Variants in LRMDA observed in about 807,000 individuals in gnomAD.
LRMDA encodes leucine rich melanocyte differentiation associated.
Under a neutral mutation model 29.8 loss-of-function variants are expected in LRMDA, and 18 were observed. The observed-to-expected ratio is 0.60, with a 90% CI of 0.42 to 0.90. The LOEUF is 0.90. Among genes scored for constraint, LRMDA ranks in the 40% least tolerant of loss-of-function variants. The probability of loss-of-function intolerance (pLI) is 0.00; values close to 1 mark genes in which losing one functional copy is unlikely to be tolerated. For synonymous variants in LRMDA, 125 were observed against 109.4 expected (o/e 1.14, Z -0.89); for missense variants, 273 against 273.9 (o/e 1.00, Z 0.02).
At chr10:76,003,280 T>G (rs1335258062) in intron 2 of LRMDA, among the ~76,000 whole-genome samples, 1 of 152,122 alleles carries the variant, frequency 6.6e-6, no homozygotes, top group African/African-American at 2.4e-5. Flanking sequence ...TCCCAAATCC[T>G]TCCACTTGAG....
intron 2 of LRMDA, among the ~76,000 whole-genome samples, chr10:75,574,030 G>A (rs545323857): frequency 7.9e-5 from 12 of 151,780 alleles, no homozygotes; most frequent in African/African-American, 2.9e-4. Flanking sequence ...CATGCCTCCT[G>A]GACTAGTAGA....
At chr10:76,265,596 A>T (rs1839996494) in intron 5 of LRMDA, among the ~76,000 whole-genome samples, 2 of 152,164 alleles carry the variant, frequency 1.3e-5, no homozygotes, top group South Asian at 4.1e-4. Flanking sequence ...GAGGCTTGGT[A>T]TGGAGCCCAG....
intron 2 of LRMDA, among the ~76,000 whole-genome samples, chr10:75,618,355 ACTCTCTCTCTCTCT>A (rs753240055): frequency 5.3e-5 from 7 of 131,870 alleles, no homozygotes; most frequent in South Asian, 2.5e-4. Context: ...TCTTTACCAG[ACTCTCTCTCTCTCT>A]CTCTCTCTCT....
intron 2 of LRMDA, among the ~76,000 whole-genome samples, chr10:75,931,424 G>A (rs765728901): frequency 6.6e-6 from 1 of 152,110 alleles, no homozygotes; most frequent in Non-Finnish European, 1.5e-5. Flanking sequence ...CAGAATCTCC[G>A]TTACTTTATA....
At chr10:76,051,056 T>G (rs1848522898) in intron 4 of LRMDA, among the ~76,000 whole-genome samples, 1 of 152,198 alleles carries the variant, frequency 6.6e-6, no homozygotes, top group African/African-American at 2.4e-5. Context: ...CTTTCTTTGT[T>G]CCCCTGCATG....
intron 2 of LRMDA, among the ~76,000 whole-genome samples, chr10:75,926,239 C>T (rs994532292): frequency 3.3e-5 from 5 of 152,006 alleles, no homozygotes; most frequent in Non-Finnish European, 7.4e-5. Flanking sequence ...GTTGAGCCAC[C>T]TAGCAGGGAG....
chr10:75,829,536 T>C (rs2132289544), intron 2 of LRMDA, among the ~76,000 whole-genome samples: 1 of 152,330 alleles, frequency 6.6e-6, no homozygotes, highest in South Asian at 2.1e-4. Context: ...AAATCTGGTG[T>C]TCTGAGTCAA....
At chr10:75,440,988 G>A (rs764914074) in intron 2 of LRMDA, among the ~76,000 whole-genome samples, 12 of 152,144 alleles carry the variant, frequency 7.9e-5, no homozygotes, top group Non-Finnish European at 1.8e-4. Context: ...AGTGAGCTGA[G>A]ATCGTGCCAT....
intron 5 of LRMDA, among the ~76,000 whole-genome samples, chr10:76,190,162 G>A (rs1380469021): frequency 1.3e-5 from 2 of 151,918 alleles, no homozygotes; most frequent in East Asian, 1.9e-4. Context: ...CTCTTTCCTC[G>A]GCACAAATGA....
intron 5 of LRMDA, among the ~76,000 whole-genome samples, chr10:76,160,212 T>A (rs1369391192): frequency 4.6e-5 from 7 of 152,008 alleles, no homozygotes; most frequent in African/African-American, 1.7e-4. Flanking sequence ...AGTCTTTTTT[T>A]TTTTTTTTAA....
chr10:76,374,285 G>A (rs1841489455), intron 6 of LRMDA, among the ~76,000 whole-genome samples: 1 of 152,040 alleles, frequency 6.6e-6, no homozygotes, highest in African/African-American at 2.4e-5. Context: ...TTAACTTTAT[G>A]AATATTGTGA....
At chr10:76,543,907 C>G (rs113395504) in intron 6 of LRMDA, among the ~76,000 whole-genome samples, 7 of 152,126 alleles carry the variant, frequency 4.6e-5, no homozygotes, top group Admixed American at 1.3e-4. Flanking sequence ...AGTCCTGAGC[C>G]CCCCCCAGGA....
intron 2 of LRMDA, among the ~76,000 whole-genome samples, chr10:75,457,735 G>C (rs1844537051): frequency 6.6e-6 from 1 of 152,166 alleles, no homozygotes; most frequent in Non-Finnish European, 1.5e-5. Flanking sequence ...CGTTTATCTG[G>C]ACGGCATTTT....
intron 5 of LRMDA, among the ~76,000 whole-genome samples, chr10:76,089,913 TAC>T (rs1849202514): frequency 1.3e-5 from 2 of 152,354 alleles, no homozygotes; most frequent in South Asian, 4.1e-4. Flanking sequence ...TAACTGAAAT[TAC>T]AGAGTGTAAC....
At chr10:76,037,955 G>C (rs576701447) in intron 3 of LRMDA, among the ~76,000 whole-genome samples, 40 of 152,232 alleles carry the variant, frequency 2.6e-4, no homozygotes, top group African/African-American at 9.6e-4. Flanking sequence ...ATGAAATTTT[G>C]GTGGAATTTT....
intron 6 of LRMDA, among the ~76,000 whole-genome samples, chr10:76,485,235 C>A (rs1206243068): frequency 2.6e-5 from 4 of 151,766 alleles, no homozygotes; most frequent in Non-Finnish European, 5.9e-5. Context: ...TCTGCCTGCC[C>A]TATTTTTGAC....
intron 5 of LRMDA, among the ~76,000 whole-genome samples, chr10:76,232,452 A>G (rs181321610): frequency 0.01 from 1,585 of 152,332 alleles, 12 homozygotes; most frequent in Non-Finnish European, 0.015. Flanking sequence ...TACCCTCTTC[A>G]TAGGGGAGAA....
intron 2 of LRMDA, among the ~76,000 whole-genome samples, chr10:75,852,919 A>G (rs1309330018): frequency 2.6e-5 from 4 of 152,172 alleles, no homozygotes; most frequent in Admixed American, 2.0e-4. Flanking sequence ...AGCTGGAGAG[A>G]CCTCAGGAAA....
Position 75,798,748 on chromosome 10 carries a change from T to G in LRMDA, c.132-237260T>G, listed in dbSNP as rs184912294. On this transcript the variant is annotated intron_variant, in intron 2 of 6. Coordinates refer to ENST00000611255, the MANE Select transcript of LRMDA (RefSeq NM_001305581.2). ...GATGTTTTAGAAGTGTATAGTTTAA[T>G]TTTCAATTATATGTGTTTTCTAGAT... Among the ~76,000 whole-genome samples, 11 of 152,252 alleles carry G rather than the reference T, an allele frequency of 7.2e-5. No individual in the cohort carries two copies. In the East Asian group the frequency reaches 2.1e-3, roughly 29 times the overall value.
Sources: allele counts gnomAD v4.1 joint callset (sites outside exome capture counted in the v4.1 genomes callset), GRCh38; gene constraint gnomAD v4.1.1; transcripts MANE v1.5; gene names NCBI Gene and HGNC (gene_info 2026-07-23, HGNC 2026-07-21).